Variants in MATCAP2 observed in about 807,000 individuals in gnomAD.
MATCAP2 encodes the protein microtubule associated tyrosine carboxypeptidase 2.
At chr7:36,375,532 T>C in the MATCAP2 span, among the ~76,000 whole-genome samples, 1 of 152,194 alleles carries the variant, frequency 6.6e-6, no homozygotes, top group African/African-American at 2.4e-5. Context: ...TCGTCAGGGA[T>C]ATTGGTCTAA....
At chr7:36,373,619 A>T in the MATCAP2 span, among the ~76,000 whole-genome samples, 1 of 152,006 alleles carries the variant, frequency 6.6e-6, no homozygotes, top group Admixed American at 6.6e-5. Context: ...TTTTTTAAAA[A>T]TTTTTTGTAG....
chr7:36,347,513 CTG>C, the MATCAP2 span, among the ~76,000 whole-genome samples: 1 of 152,174 alleles, frequency 6.6e-6, no homozygotes, highest in Non-Finnish European at 1.5e-5. Flanking sequence ...CATTTGCTGA[CTG>C]TGTGCTCTTA....
the MATCAP2 span, among the ~76,000 whole-genome samples, chr7:36,373,189 G>A: frequency 1.3e-5 from 2 of 151,910 alleles, no homozygotes; most frequent in Non-Finnish European, 2.9e-5. Context: ...GGATGCTGGG[G>A]TAAGTAAATC....
the MATCAP2 span, among the ~76,000 whole-genome samples, chr7:36,382,048 T>G: frequency 6.6e-6 from 1 of 151,944 alleles, no homozygotes; most frequent in Non-Finnish European, 1.5e-5. Flanking sequence ...ATCTCAGCAT[T>G]TTGGAAGGCC....
At chr7:36,376,934 T>A in the MATCAP2 span, among the ~76,000 whole-genome samples, 1 of 152,134 alleles carries the variant, frequency 6.6e-6, no homozygotes, top group Non-Finnish European at 1.5e-5. Flanking sequence ...TTATTTTTTT[T>A]ATTTTTTATT....
the MATCAP2 span, among the ~76,000 whole-genome samples, chr7:36,349,883 C>G: frequency 3.9e-5 from 6 of 152,124 alleles, no homozygotes; most frequent in Non-Finnish European, 8.8e-5. Flanking sequence ...CATCTCTGAT[C>G]TGTGAAAAAA....
chr7:36,354,631 T>C, the MATCAP2 span, among the ~76,000 whole-genome samples: 1 of 152,212 alleles, frequency 6.6e-6, no homozygotes, highest in Admixed American at 6.5e-5. Context: ...TATGATATCA[T>C]GTCATTATTC....
the MATCAP2 span, chr7:36,336,415 G>GA: frequency 2.4e-6 from 2 of 843,012 alleles, no homozygotes; most frequent in Non-Finnish European, 1.7e-6. Context: ...AAATTAAACT[G>GA]CAACTGAAGT....
chr7:36,389,600 G>T, the MATCAP2 span, among the ~76,000 whole-genome samples: 1 of 152,336 alleles, frequency 6.6e-6, no homozygotes, highest in South Asian at 2.1e-4. Flanking sequence ...TCGCCTTAAA[G>T]CTGAGGGGAA....
the MATCAP2 span, chr7:36,357,336 G>C: frequency 1.1e-5 from 18 of 1,614,036 alleles, no homozygotes; most frequent in East Asian, 3.3e-4. Flanking sequence ...TCTTTGCTAC[G>C]AGAAGTGTTA....
chr7:36,366,582 T>C, the MATCAP2 span: 3 of 1,161,016 alleles, frequency 2.6e-6, no homozygotes, highest in Non-Finnish European at 3.6e-6. Flanking sequence ...ATTATGAAGC[T>C]TAATCACACA....
chr7:36,328,239 T>TGGGGGGG, the MATCAP2 span, among the ~76,000 whole-genome samples: 14 of 25,110 alleles, frequency 5.6e-4, no homozygotes, highest in African/African-American at 9.3e-4. Flanking sequence ...TTTGTTTTTG[T>TGGGGGGG]AGGGGGGGGG....
chr7:36,364,183 G>A, the MATCAP2 span, among the ~76,000 whole-genome samples: 1 of 151,432 alleles, frequency 6.6e-6, no homozygotes, highest in African/African-American at 2.4e-5. Context: ...CCGCCTGGGC[G>A]CTCAAGTGAT....
the MATCAP2 span, chr7:36,390,356 G>T: frequency 2.3e-6 from 1 of 428,230 alleles, no homozygotes; most frequent in Admixed American, 3.8e-5. Flanking sequence ...CGCAGCAAGA[G>T]TGAGGCGCAG....
chr7:36,324,471 C>G, the MATCAP2 span: 1 of 152,122 alleles, frequency 6.6e-6, no homozygotes, highest in Non-Finnish European at 1.5e-5. Context: ...TAATGAAATT[C>G]TAATCATCAA....
chr7:36,385,356 G>A, the MATCAP2 span, among the ~76,000 whole-genome samples: 19 of 152,140 alleles, frequency 1.2e-4, no homozygotes, highest in Non-Finnish European at 2.8e-4. Context: ...GAAGAACAAT[G>A]AGGCAAAATA....
At chr7:36,356,748 CGTCTT>C in the MATCAP2 span, 12 of 682,514 alleles carry the variant, frequency 1.8e-5, no homozygotes, top group Non-Finnish European at 2.8e-5. Flanking sequence ...AGGTAATACT[CGTCTT>C]GTCGCACATT....
the MATCAP2 span, chr7:36,336,099 A>C: frequency 4.8e-6 from 6 of 1,258,660 alleles, 1 homozygote; most frequent in South Asian, 1.2e-4. Flanking sequence ...AATAAAATAA[A>C]ATAAACTATG....
the MATCAP2 span, among the ~76,000 whole-genome samples, chr7:36,382,494 T>C: frequency 6.6e-6 from 1 of 151,952 alleles, no homozygotes; most frequent in African/African-American, 2.4e-5. Context: ...AAAATAGCTT[T>C]TTTTTTTTTT....
Sources: allele counts gnomAD v4.1 joint callset (sites outside exome capture counted in the v4.1 genomes callset), GRCh38; gene constraint gnomAD v4.1.1; transcripts MANE v1.5; gene names NCBI Gene and HGNC (gene_info 2026-07-23, HGNC 2026-07-21).